Variants in ASXL3 observed in about 807,000 individuals in gnomAD.
ASXL3 encodes the protein ASXL transcriptional regulator 3.
ASXL3 carries 34 observed loss-of-function variants against 170.6 expected under a neutral mutation model. The observed-to-expected ratio is 0.20, with a 90% CI of 0.15 to 0.27. The LOEUF (loss-of-function observed/expected upper bound fraction) is 0.27, where lower values mean the gene tolerates loss of function less well. Among genes scored for constraint, ASXL3 ranks in the 10% least tolerant of loss-of-function variants. ASXL3 has a pLI of 1.00. For synonymous variants in ASXL3, 1,002 were observed against 989.1 expected (o/e 1.01, Z -0.24); for missense variants, 2,592 against 2,695.3 (o/e 0.96, Z 0.85).
At chr18:33,704,639 A>G (rs2066928574) in intron 8 of ASXL3, among the ~76,000 whole-genome samples, 2 of 152,088 alleles carry the variant, frequency 1.3e-5, no homozygotes, top group Admixed American at 1.3e-4. Context: ...ATTTTAAAAC[A>G]CAAGCATTGC....
At chr18:33,678,443 G>A (rs2066464177) in intron 7 of ASXL3, among the ~76,000 whole-genome samples, 1 of 152,212 alleles carries the variant, frequency 6.6e-6, no homozygotes, top group African/African-American at 2.4e-5. Flanking sequence ...GAAGCCAGCA[G>A]ACTACCCAGT....
chr18:33,625,377 A>G (rs191428820), intron 2 of ASXL3, among the ~76,000 whole-genome samples: 94 of 152,306 alleles, frequency 6.2e-4, no homozygotes, highest in African/African-American at 2.2e-3. Context: ...TGTGATTGGA[A>G]CCTCAGGTTA....
rs561537649 is a variant in ASXL3 at position 33,633,572 on chromosome 18, G to A, written c.138-11322G>A. Among the ~76,000 whole-genome samples, 7 of 152,174 alleles carry A rather than the reference G, an allele frequency of 4.6e-5. No homozygotes were observed. The South Asian group carries it at 6.2e-4, about 14-fold the overall frequency. ...CTTGTAAAAAATTCACGCATGGCGC[G>A]GTGGCTCATGCCTGTAATCCCAGCA... On this transcript the variant is annotated intron_variant, in intron 2 of 11. Coordinates refer to ENST00000269197, the MANE Select transcript of ASXL3 (RefSeq NM_030632.3).
chr18:33,658,650 C>T (rs926387502), intron 4 of ASXL3, among the ~76,000 whole-genome samples: 16 of 151,876 alleles, frequency 1.1e-4, no homozygotes, highest in South Asian at 2.1e-4. Context: ...TTTTGCTTTT[C>T]TTTAAAGTTC....
chr18:33,706,167 A>G (rs2066953482), intron 8 of ASXL3, among the ~76,000 whole-genome samples: 3 of 150,386 alleles, frequency 2.0e-5, no homozygotes, highest in African/African-American at 7.3e-5. Context: ...CATTGATACT[A>G]TTATTCTAAA....
intron 8 of ASXL3, among the ~76,000 whole-genome samples, chr18:33,715,156 G>T (rs950740385): frequency 6.6e-6 from 1 of 152,146 alleles, no homozygotes; most frequent in Non-Finnish European, 1.5e-5. Flanking sequence ...AAGTGTCATT[G>T]TGTCCACACT....
At chr18:33,676,118 G>GGAGGGT (rs1310282067) in intron 7 of ASXL3, among the ~76,000 whole-genome samples, 2 of 150,302 alleles carry the variant, frequency 1.3e-5, no homozygotes, top group Non-Finnish European at 2.9e-5. Flanking sequence ...CAGCTACTCG[G>GGAGGGT]GAGGGTGAGG....
At chr18:33,636,090 T>G (rs1156279597) in intron 2 of ASXL3, among the ~76,000 whole-genome samples, 2 of 152,136 alleles carry the variant, frequency 1.3e-5, no homozygotes, top group African/African-American at 4.8e-5. Context: ...GGGGCTATCT[T>G]AGGTCGTAAA....
At chr18:33,699,907 C>T (rs77887688) in intron 8 of ASXL3, among the ~76,000 whole-genome samples, 2,676 of 151,730 alleles carry the variant, frequency 0.018, 171 homozygotes, top group East Asian at 0.16. Context: ...TTGAGTTTTT[C>T]AGATAAATAT....
chr18:33,742,911 A>G lies in ASXL3; in HGVS notation c.3063A>G (p.Pro1021=). The G allele has an allele frequency of 6.3e-7, 1 of 1,590,626 alleles. No homozygotes were observed. The highest frequency in any genetic ancestry group is 1.1e-5 in the South Asian group (1 of 87,012). Residue 1021 remains proline (P), a synonymous_variant, in exon 12 of 12, where the codon CCA becomes CCG. Transcript: ENST00000269197. ...AGATTCAGCTTTCCAAAATTGGGCC[A>G]CCTTTTATAATCAAGAGCCAACCAG... is the stretch of plus-strand genomic sequence containing the variant. ...PLKIQLSKIG[P]PFIIKSQPVS... is the part of the protein sequence containing the mutation.
intron 7 of ASXL3, among the ~76,000 whole-genome samples, chr18:33,673,159 A>G (rs1296323049): frequency 2.0e-5 from 3 of 152,186 alleles, no homozygotes; most frequent in African/African-American, 7.2e-5. Context: ...TAAAAATCCA[A>G]AACAGTACCA....
intron 8 of ASXL3, among the ~76,000 whole-genome samples, chr18:33,722,424 C>T (rs575340592): frequency 2.6e-5 from 4 of 152,158 alleles, no homozygotes; most frequent in Non-Finnish European, 5.9e-5. Context: ...AGTGAAACAC[C>T]TTTATTGTTG....
rs1334372801 is a variant in ASXL3, at chr18:33,740,410, T to C, written c.3006T>C (p.Pro1002=). Residue 1002 remains proline (P), a synonymous_variant, in exon 11 of 12, where the codon CCT becomes CCC. Coordinates refer to ENST00000269197, the MANE Select transcript of ASXL3 (RefSeq NM_030632.3). ...GCAGCCCACCTGAGAAAGAACAGCCTCCCAGAGAGGAACCAAGGGTTCCCC... is the reference window on the plus strand; with the variant it reads ...GCAGCCCACCTGAGAAAGAACAGCCCCCCAGAGAGGAACCAAGGGTTCCCC... ...SSSSPPEKEQ[P]PREEPRVPPL... 6.3e-7 allele frequency: 1 copy of C among 1,592,438 alleles called. No individual in the cohort carries two copies. Among genetic ancestry groups the C allele is most frequent in the Non-Finnish European group, 8.5e-7 (1 of 1,172,790 alleles).
chr18:33,714,801 C>T (rs960750188), intron 8 of ASXL3, among the ~76,000 whole-genome samples: 8 of 152,090 alleles, frequency 5.3e-5, no homozygotes, highest in Non-Finnish European at 1.0e-4. Flanking sequence ...GGGGAAGGAC[C>T]TGTGCCTGCT....
Position 33,630,645 on chromosome 18 carries a change from C to A in ASXL3, c.138-14249C>A, listed in dbSNP as rs555626652. On this transcript the variant is annotated intron_variant, in intron 2 of 11. Transcript: ENST00000269197. ...TTAAAGGTAAAATTTTTCCCATAGC[C>A]AGCAAAATGCTGAGCTGAATTCTTT... Among the ~76,000 whole-genome samples the A allele has an allele frequency of 5.3e-5, 8 of 151,980 alleles. No individual in the cohort carries two copies. The South Asian group carries it at 1.5e-3, about 28-fold the overall frequency.
intron 2 of ASXL3, among the ~76,000 whole-genome samples, chr18:33,634,544 A>T (rs1191338486): frequency 6.6e-6 from 1 of 152,166 alleles, no homozygotes; most frequent in Non-Finnish European, 1.5e-5. Flanking sequence ...TATAACTAAT[A>T]ATGTCTTTTT....
At chr18:33,595,397 A>G (rs1478619632) in intron 1 of ASXL3, among the ~76,000 whole-genome samples, 1 of 152,202 alleles carries the variant, frequency 6.6e-6, no homozygotes, top group Non-Finnish European at 1.5e-5. Context: ...ATAAGTTAGC[A>G]TCTGACTTAA....
rs1039766722 is a variant in ASXL3 at position 33,661,907 on chromosome 18, C to A, written c.477+170C>A. On this transcript the variant is annotated intron_variant, in intron 5 of 11. Transcript: ENST00000269197. Reference sequence around the variant, plus strand: ...AATTTTAATCTGTGATAAAAAAAAACTAGGAGAGGCTTGACTGAGAACTTT... The same window carrying A: ...AATTTTAATCTGTGATAAAAAAAAAATAGGAGAGGCTTGACTGAGAACTTT... 3.5e-5 allele frequency among the ~76,000 whole-genome samples: 5 copies of A among 141,564 alleles called. No individual in the cohort carries two copies. The Admixed American group carries it at 3.6e-4, about 10-fold the overall frequency. 92.9% of individuals were successfully genotyped at this position (141,564 alleles called of 152,430 possible). A position where few individuals can be genotyped will look rare whatever the true frequency, so the allele number is the denominator to read the frequency against.
intron 7 of ASXL3, 142 bp from the exon 8 acceptor site, chr18:33,683,263 A>T: frequency 1.5e-6 from 1 of 657,980 alleles, no homozygotes; most frequent in South Asian, 4.0e-5. Context: ...CTTTTCTGAA[A>T]TACCATTTGT....
Sources: gnomAD v4.1 joint callset for allele counts (sites outside exome capture counted in the v4.1 genomes callset) on GRCh38, gnomAD v4.1.1 for gene constraint, MANE v1.5 for transcripts, NCBI Gene and HGNC (gene_info 2026-07-23, HGNC 2026-07-21) for gene names.